The following RBFOX1 variants were observed in gnomAD, a reference collection of about 807,000 sequenced individuals.
RBFOX1 encodes the protein RNA binding fox-1 homolog 1.
Under a neutral mutation model 57.7 loss-of-function variants are expected in RBFOX1, and 8 were observed. The ratio of observed to expected loss-of-function variants is 0.14; its 90% CI spans 0.08 to 0.25. The LOEUF (loss-of-function observed/expected upper bound fraction) is 0.25. Among genes scored for constraint, RBFOX1 ranks in the 10% least tolerant of loss-of-function variants. RBFOX1 has a pLI of 1.00. For synonymous variants in RBFOX1, 326 were observed against 222.4 expected, an observed-to-expected ratio of 1.47 and a Z score of -4.15; for missense variants, 611 against 548.5, an observed-to-expected ratio of 1.11 and a Z score of -1.14.
chr16:6,746,217 C>T (rs547752582), intron 3 of RBFOX1, among the ~76,000 whole-genome samples: 44 of 151,954 alleles, frequency 2.9e-4, no homozygotes, highest in Non-Finnish European at 5.3e-4. Context: ...AACACAATGC[C>T]AATCAAACCC....
At chr16:7,057,036 A>C (rs1344477818) in intron 4 of RBFOX1, among the ~76,000 whole-genome samples, 1 of 152,024 alleles carries the variant, frequency 6.6e-6, no homozygotes, top group South Asian at 2.1e-4. Context: ...ACTGAAAAAA[A>C]AAAAAAATGC....
At chr16:5,590,784 G>C (rs542333175) in intron 2 of RBFOX1, among the ~76,000 whole-genome samples, 1 of 152,276 alleles carries the variant, frequency 6.6e-6, no homozygotes, top group East Asian at 1.9e-4. Flanking sequence ...CTGGAGCATT[G>C]GGTTGAAATC....
intron 2 of RBFOX1, among the ~76,000 whole-genome samples, chr16:6,360,133 C>G (rs1243998122): frequency 6.6e-6 from 1 of 151,796 alleles, no homozygotes; most frequent in Non-Finnish European, 1.5e-5. Flanking sequence ...TGCATCTGTT[C>G]TTGTTTTCAA....
At chr16:6,836,521 T>A (rs2093109228) in intron 3 of RBFOX1, among the ~76,000 whole-genome samples, 1 of 152,228 alleles carries the variant, frequency 6.6e-6, no homozygotes, top group Admixed American at 6.5e-5. Context: ...TGAGTTAGCC[T>A]TAGGGTATGA....
chr16:6,126,524 C>G (rs2096590875), intron 1 of RBFOX1, among the ~76,000 whole-genome samples: 1 of 152,160 alleles, frequency 6.6e-6, no homozygotes, highest in African/African-American at 2.4e-5. Context: ...AGATCACAGA[C>G]ATAGTACATG....
intron 2 of RBFOX1, among the ~76,000 whole-genome samples, chr16:6,652,751 G>C (rs79002811): frequency 6.6e-6 from 1 of 152,084 alleles, no homozygotes; most frequent in Admixed American, 6.5e-5. Flanking sequence ...GTGGTTTTCA[G>C]GGGCTCTGGG....
chr16:7,296,913 A>G (rs2095904870), intron 4 of RBFOX1, among the ~76,000 whole-genome samples: 1 of 152,134 alleles, frequency 6.6e-6, no homozygotes, highest in Non-Finnish European at 1.5e-5. Context: ...GTTTCTGTTT[A>G]CCCTCAAAAA....
chr16:7,205,268 A>G (rs2089687713), intron 4 of RBFOX1, among the ~76,000 whole-genome samples: 1 of 152,106 alleles, frequency 6.6e-6, no homozygotes, highest in South Asian at 2.1e-4. Context: ...CTGTAATCCC[A>G]GTGCTTAGGG....
intron 4 of RBFOX1, among the ~76,000 whole-genome samples, chr16:6,000,218 C>T (rs897570581): frequency 8.5e-5 from 13 of 152,104 alleles, no homozygotes; most frequent in African/African-American, 3.1e-4. Flanking sequence ...GATCCCATGC[C>T]CCCCTGGTGC....
At chr16:7,093,878 C>G (rs12103323) in intron 4 of RBFOX1, among the ~76,000 whole-genome samples, 33,120 of 151,774 alleles carry the variant, frequency 0.22, 3,747 homozygotes, top group East Asian at 0.36. Flanking sequence ...GTAATAATGA[C>G]ACAAAACTCA....
At chr16:6,412,392 G>T (rs893600858) in intron 2 of RBFOX1, among the ~76,000 whole-genome samples, 2 of 152,080 alleles carry the variant, frequency 1.3e-5, no homozygotes, top group African/African-American at 4.8e-5. Context: ...CCTTTTAAAG[G>T]AGGCCTTATT....
intron 2 of RBFOX1, among the ~76,000 whole-genome samples, chr16:5,590,319 T>G (rs2046966127): frequency 6.6e-6 from 1 of 152,144 alleles, no homozygotes; most frequent in African/African-American, 2.4e-5. Flanking sequence ...TTTTAACATC[T>G]GGGAATAGGG....
At chr16:6,227,646 G>C (rs1442371019) in intron 1 of RBFOX1, among the ~76,000 whole-genome samples, 1 of 152,160 alleles carries the variant, frequency 6.6e-6, no homozygotes, top group Non-Finnish European at 1.5e-5. Context: ...AGCCATCTAT[G>C]ACCATGAGTC....
At chr16:7,216,496 T>G (rs1432076678) in intron 4 of RBFOX1, among the ~76,000 whole-genome samples, 6 of 152,092 alleles carry the variant, frequency 3.9e-5, no homozygotes, top group Non-Finnish European at 8.8e-5. Flanking sequence ...CGCTAAAAAT[T>G]TTTAAATAGC....
chr16:5,672,969 G>T (rs1358735022), intron 3 of RBFOX1, among the ~76,000 whole-genome samples: 1 of 151,972 alleles, frequency 6.6e-6, no homozygotes, highest in Non-Finnish European at 1.5e-5. Context: ...GGAGCTTGGG[G>T]TTGGGTCAGT....
At chr16:5,697,312 A>T (rs1481847824) in intron 3 of RBFOX1, among the ~76,000 whole-genome samples, 1 of 151,784 alleles carries the variant, frequency 6.6e-6, no homozygotes, top group Non-Finnish European at 1.5e-5. Flanking sequence ...AAGCATATAC[A>T]TCTCTATATA....
chr16:5,961,351 T>C (rs2059743993), intron 4 of RBFOX1, among the ~76,000 whole-genome samples: 1 of 152,178 alleles, frequency 6.6e-6, no homozygotes, highest in Non-Finnish European at 1.5e-5. Flanking sequence ...AGGTACTTGC[T>C]TGAGCTTCCA....
At chr16:6,883,687 G>T (rs2063398226) in intron 3 of RBFOX1, among the ~76,000 whole-genome samples, 1 of 152,068 alleles carries the variant, frequency 6.6e-6, no homozygotes, top group African/African-American at 2.4e-5. Flanking sequence ...CCCACATCCA[G>T]GCTGTTCAAA....
At chr16:7,431,474 C>T (rs1220280960) in intron 4 of RBFOX1, among the ~76,000 whole-genome samples, 1 of 152,078 alleles carries the variant, frequency 6.6e-6, no homozygotes, top group Non-Finnish European at 1.5e-5. Flanking sequence ...CTCCTGAACT[C>T]AAGTGATCCT....
Sources: allele counts gnomAD v4.1 joint callset (sites outside exome capture counted in the v4.1 genomes callset), GRCh38; gene constraint gnomAD v4.1.1; transcripts MANE v1.5; gene names NCBI Gene and HGNC (gene_info 2026-07-23, HGNC 2026-07-21).